The following SLC8A1 variants were observed in gnomAD, a reference collection of about 807,000 sequenced individuals.
The protein encoded by SLC8A1 is solute carrier family 8 member A1, also known as sodium/calcium exchanger 1.
Under a neutral mutation model 68.3 loss-of-function variants are expected in SLC8A1, and 18 were observed. That is an observed-to-expected ratio of 0.26 (90% CI 0.18 to 0.39). SLC8A1 has a LOEUF of 0.39. Ranked by LOEUF, SLC8A1 falls within the 10% of genes least tolerant of loss-of-function variation. The pLI is 1.00. For missense variants in SLC8A1, 985 were observed against 1,156.7 expected (o/e 0.85, Z 2.15); for synonymous variants, 475 against 415.5 (o/e 1.14, Z -1.74).
intron 7 of SLC8A1, among the ~76,000 whole-genome samples, chr2:40,117,556 C>G (rs1343379765): frequency 6.7e-6 from 1 of 148,644 alleles, no homozygotes; most frequent in Non-Finnish European, 1.5e-5. Flanking sequence ...CAGAGTGAGA[C>G]TCCATCTCAA....
At chr2:40,336,340 T>A (rs1220533770) in intron 2 of SLC8A1, among the ~76,000 whole-genome samples, 1 of 152,172 alleles carries the variant, frequency 6.6e-6, no homozygotes, top group African/African-American at 2.4e-5. Flanking sequence ...AATTAATGAA[T>A]GAATAAGGAT....
At chr2:40,398,032 T>G (rs995008128) in intron 2 of SLC8A1, among the ~76,000 whole-genome samples, 5 of 152,232 alleles carry the variant, frequency 3.3e-5, no homozygotes, top group African/African-American at 1.2e-4. Flanking sequence ...CTCTGTTCAT[T>G]TGACACCAGT....
intron 2 of SLC8A1, among the ~76,000 whole-genome samples, chr2:40,219,321 A>G (rs1314178334): frequency 6.6e-6 from 1 of 152,252 alleles, no homozygotes; most frequent in Non-Finnish European, 1.5e-5. Flanking sequence ...CTGAGGTTAC[A>G]AGGAGTAATT....
intron 2 of SLC8A1, among the ~76,000 whole-genome samples, chr2:40,276,992 TA>T (rs946507984): frequency 1.0e-3 from 153 of 152,328 alleles, no homozygotes; most frequent in African/African-American, 3.4e-3. Flanking sequence ...AGATTCTATG[TA>T]TCAGCCTAAA....
intron 1 of SLC8A1, among the ~76,000 whole-genome samples, chr2:40,435,239 C>G (rs1460243168): frequency 6.6e-6 from 1 of 152,148 alleles, no homozygotes; most frequent in Non-Finnish European, 1.5e-5. Flanking sequence ...TCTAAGGCAA[C>G]ATTAAAGCAA....
At chr2:40,452,914 G>A (rs1420379993), upstream of SLC8A1, among the ~76,000 whole-genome samples, 1 of 152,082 alleles carries the variant, frequency 6.6e-6, no homozygotes, top group Admixed American at 6.6e-5. Flanking sequence ...TAAAAGCCGA[G>A]CATTAAGGTT....
At chr2:40,441,836 C>A (rs146801524) in intron 1 of SLC8A1, among the ~76,000 whole-genome samples, 1,758 of 151,856 alleles carry the variant, frequency 0.012, 13 homozygotes, top group Middle Eastern at 0.017. Flanking sequence ...CTAGGCAATA[C>A]CATTCAGGGC....
Position 40,237,859 on chromosome 2 carries a change from C to T in SLC8A1, c.1809-60004G>A, listed in dbSNP as rs1187702251. Among the ~76,000 whole-genome samples the T allele has an allele frequency of 3.3e-5, 5 of 152,176 alleles. No individual in the cohort carries two copies. In the South Asian group the frequency reaches 6.2e-4, roughly 19 times the overall value. On this transcript the variant is annotated intron_variant, in intron 2 of 7. Coordinates refer to ENST00000406785, the Ensembl canonical transcript of SLC8A1. ...TCAGCTGCAGGTCTGTTGGAATACC[C>T]TGCCATGGGAGGTGTCAGTGTGCCC...
At chr2:40,186,368 T>C (rs982709380) in intron 2 of SLC8A1, among the ~76,000 whole-genome samples, 1 of 152,170 alleles carries the variant, frequency 6.6e-6, no homozygotes, top group Admixed American at 6.5e-5. Context: ...TAAGCCTTTT[T>C]TTCCTTTCAA....
chr2:40,337,590 T>C (rs1666379742), intron 2 of SLC8A1, among the ~76,000 whole-genome samples: 1 of 152,144 alleles, frequency 6.6e-6, no homozygotes. Context: ...TATGGATTCA[T>C]CTCCTTATTT....
In SLC8A1 at chr2:40,472,720, A is replaced by G. The variant is rs993952712; in HGVS notation, c.-25+39629T>C. 3.3e-5 allele frequency among the ~76,000 whole-genome samples: 5 copies of G among 152,154 alleles called. No homozygotes were observed. In the South Asian group the frequency reaches 6.2e-4, roughly 19 times the overall value. On this transcript the variant is annotated intron_variant, in intron 1 of 7. Coordinates refer to the SLC8A1 transcript ENST00000402441. ...CCCATACCCATTCTAGGTGCTGCCA[A>G]TATATTAATAAACATAATAAAACTT...
At chr2:40,261,724 G>A (rs116764590) in intron 2 of SLC8A1, among the ~76,000 whole-genome samples, 1,863 of 73,518 alleles carry the variant, frequency 0.025, 45 homozygotes, top group African/African-American at 0.091. Flanking sequence ...AAAAATGTGC[G>A]AGTGGGTACT....
chr2:40,170,206 G>T, intron 4 of SLC8A1, 75 bp downstream of exon 7: 1 of 1,302,204 alleles, frequency 7.7e-7, no homozygotes, highest in Non-Finnish European at 1.1e-6. Context: ...GGGCTAAAAT[G>T]CATGACTGTA....
chr2:40,467,793 A>G (rs1703780334), intron 1 of SLC8A1, among the ~76,000 whole-genome samples: 1 of 152,154 alleles, frequency 6.6e-6, no homozygotes, highest in Non-Finnish European at 1.5e-5. Flanking sequence ...ATCCTTATCT[A>G]TTACATTAAT....
chr2:40,108,407 A>G (rs181355591), exon 8 of SLC8A1: 1 of 152,290 alleles, frequency 6.6e-6, no homozygotes, highest in East Asian at 1.9e-4. Context: ...TTTCACTTAA[A>G]TATAATAACT....
chr2:40,358,841 C>T (rs1673604893), intron 2 of SLC8A1, among the ~76,000 whole-genome samples: 1 of 152,178 alleles, frequency 6.6e-6, no homozygotes, highest in Admixed American at 6.6e-5. Context: ...CTGAAGCGTG[C>T]ACTCTGAAGG....
intron 2 of SLC8A1, among the ~76,000 whole-genome samples, chr2:40,356,402 C>T (rs1672676666): frequency 6.6e-6 from 1 of 152,040 alleles, no homozygotes; most frequent in Admixed American, 6.6e-5. Flanking sequence ...AACTTTTCTA[C>T]ATGACTTTAA....
At chr2:40,342,789 C>G (rs1668108707) in intron 2 of SLC8A1, among the ~76,000 whole-genome samples, 1 of 152,084 alleles carries the variant, frequency 6.6e-6, no homozygotes, top group South Asian at 2.1e-4. Flanking sequence ...GACGGAGACC[C>G]AGAGAATCTT....
intron 1 of SLC8A1, among the ~76,000 whole-genome samples, chr2:40,483,865 A>G (rs1349538075): frequency 1.3e-5 from 2 of 152,190 alleles, no homozygotes. Context: ...AATCCTGGTG[A>G]TTATAAGCCA....
Sources: allele counts gnomAD v4.1 joint callset (sites outside exome capture counted in the v4.1 genomes callset), GRCh38; gene constraint gnomAD v4.1.1; transcripts MANE v1.5; gene names NCBI Gene and HGNC (gene_info 2026-07-23, HGNC 2026-07-21).